PLB1: variants seen among roughly 807,000 people sequenced by gnomAD.
The protein encoded by PLB1 is phospholipase B1, membrane-associated.
A neutral mutation model predicts 227.4 loss-of-function variants in PLB1; 242 were observed. The observed-to-expected ratio is 1.06, with a 90% CI of 0.96 to 1.18. PLB1 has a LOEUF of 1.18. PLB1 is among the 50% of genes most tolerant of loss of function. The probability of loss-of-function intolerance (pLI) is 0.00; values close to 1 mark genes in which losing one functional copy is unlikely to be tolerated. For synonymous variants in PLB1, 757 were observed against 682.2 expected (o/e 1.11, Z -1.71); for missense variants, 1,858 against 1,816.3 (o/e 1.02, Z -0.42).
intron 49 of PLB1, 81 bp from the exon 50 acceptor site, chr2:28,624,976 C>T: frequency 7.5e-7 from 1 of 1,337,162 alleles, no homozygotes; most frequent in Non-Finnish European, 1.1e-6. Flanking sequence ...TGAAACACCT[C>T]TCTTCCTAGG....
At chr2:28,542,950 C>T (rs950418475) in intron 13 of PLB1, among the ~76,000 whole-genome samples, 1 of 152,222 alleles carries the variant, frequency 6.6e-6, no homozygotes, top group Non-Finnish European at 1.5e-5. Flanking sequence ...CCTCCTTCCA[C>T]TGTTTAGTTC....
chr2:28,599,136 C>T (rs1329191492), intron 35 of PLB1, among the ~76,000 whole-genome samples: 1 of 152,252 alleles, frequency 6.6e-6, no homozygotes, highest in African/African-American at 2.4e-5. Flanking sequence ...GAGGGCCAAC[C>T]AAATGGATGG....
chr2:28,563,080 C>A lies in PLB1; in HGVS notation c.1187C>A (p.Ala396Asp). 1.2e-6 allele frequency: 2 copies of A among 1,613,678 alleles called. No homozygotes were observed. Among genetic ancestry groups the A allele is most frequent in the Non-Finnish European group, 1.7e-6 (2 of 1,179,666 alleles). ...CCGGCTGACATCAACGTAATTGGAG[C>A]CCTGGGTGACTCTCTCACGGTAAGT... ...LKPADINVIG[A>D]LGDSLTAGNG... The change falls in exon 18 of 58, where the codon GCC becomes GAC. Residue 396 changes from alanine to aspartate, a missense_variant. Coordinates refer to ENST00000327757, the MANE Select transcript of PLB1 (RefSeq NM_153021.5).
intron 18 of PLB1, among the ~76,000 whole-genome samples, chr2:28,563,327 C>T (rs564968074): frequency 9.2e-5 from 14 of 152,204 alleles, no homozygotes; most frequent in African/African-American, 3.4e-4. Context: ...TCCCCCAATG[C>T]TGAGATGAAG....
intron 56 of PLB1, among the ~76,000 whole-genome samples, chr2:28,637,479 A>C (rs954987572): frequency 6.6e-6 from 1 of 152,130 alleles, no homozygotes; most frequent in African/African-American, 2.4e-5. Context: ...TGGTCCCCAC[A>C]GAGAAATCAA....
intron 25 of PLB1, 96 bp downstream of exon 25, chr2:28,582,601 G>A (rs1194039435): frequency 2.2e-6 from 2 of 927,814 alleles, no homozygotes; most frequent in African/African-American, 1.6e-5. Context: ...AAGGGCCGAA[G>A]TGTGAAAGGG....
intron 25 of PLB1, among the ~76,000 whole-genome samples, chr2:28,583,870 T>C (rs1181582576): frequency 6.6e-6 from 1 of 151,600 alleles, no homozygotes; most frequent in Non-Finnish European, 1.5e-5. Flanking sequence ...AAATCTGAAA[T>C]CTGAAATGCT....
At chr2:28,522,136 TCA>T (rs1669605907) in intron 4 of PLB1, among the ~76,000 whole-genome samples, 1 of 151,912 alleles carries the variant, frequency 6.6e-6, no homozygotes, top group Non-Finnish European at 1.5e-5. Context: ...AGTGTTAGCC[TCA>T]CCACATTTAT....
chr2:28,569,401 G>A (rs1677615983), intron 20 of PLB1, among the ~76,000 whole-genome samples: 1 of 152,156 alleles, frequency 6.6e-6, no homozygotes, highest in Non-Finnish European at 1.5e-5. Flanking sequence ...TTGGAAAGAT[G>A]AAAAAGTGAA....
At chr2:28,522,254 G>A (rs1351325283) in intron 4 of PLB1, among the ~76,000 whole-genome samples, 1 of 151,920 alleles carries the variant, frequency 6.6e-6, no homozygotes, top group Non-Finnish European at 1.5e-5. Flanking sequence ...AGAAGGGTGA[G>A]GAGATGGTGG....
In PLB1 at chr2:28,627,057, C is replaced by T. The variant is rs184146337; in HGVS notation, c.3660+549C>T. On this transcript the variant is annotated intron_variant, in intron 51 of 57. Coordinates refer to ENST00000327757, the MANE Select transcript of PLB1 (RefSeq NM_153021.5). ...AATACATCTTGTTCTAAGTTGGGGA[C>T]ATTCTGTATTTTATTTGGCCGGGAA... 1.9e-3 allele frequency among the ~76,000 whole-genome samples: 286 copies of T among 152,196 alleles called. 1 individual carries two copies. Among genetic ancestry groups the T allele is most frequent in the Admixed American group, 1.7e-3 (26 of 15,286 alleles).
intron 2 of PLB1, among the ~76,000 whole-genome samples, chr2:28,517,526 A>G (rs1255511667): frequency 6.6e-6 from 1 of 152,240 alleles, no homozygotes; most frequent in African/African-American, 2.4e-5. Flanking sequence ...TGGTAGGGAC[A>G]TGAGAGTCTC....
chr2:28,575,972 G>A (rs1419235775), intron 21 of PLB1, among the ~76,000 whole-genome samples: 2 of 152,170 alleles, frequency 1.3e-5, no homozygotes, highest in Non-Finnish European at 2.9e-5. Context: ...AAGCATATGT[G>A]GGCTGGTAGT....
At chr2:28,535,513 A>G (rs1671568981) in intron 9 of PLB1, among the ~76,000 whole-genome samples, 1 of 152,184 alleles carries the variant, frequency 6.6e-6, no homozygotes, top group African/African-American at 2.4e-5. Context: ...TCCCCGTTTA[A>G]GCTAATCCTG....
chr2:28,542,765 C>T (rs376755343), intron 13 of PLB1, among the ~76,000 whole-genome samples: 165 of 152,306 alleles, frequency 1.1e-3, no homozygotes, highest in African/African-American at 3.4e-3. Flanking sequence ...GCCTCAGTCC[C>T]GTGTCTGGGA....
intron 2 of PLB1, 83 bp downstream of exon 2, chr2:28,516,952 G>T: frequency 7.2e-7 from 1 of 1,393,564 alleles, no homozygotes; most frequent in South Asian, 1.2e-5. Context: ...CCCAAGTTTT[G>T]GTGCAAGTTG....
chr2:28,576,307 A>G (rs557378720), intron 21 of PLB1, among the ~76,000 whole-genome samples: 3 of 152,208 alleles, frequency 2.0e-5, no homozygotes, highest in Non-Finnish European at 4.4e-5. Context: ...AGGTCTGACA[A>G]TAGCTGTCAT....
At chr2:28,582,218 G>T in intron 24 of PLB1, 85 bp downstream of exon 24, 1 of 1,462,044 alleles carries the variant, frequency 6.8e-7, no homozygotes. Context: ...AGACCTCCTT[G>T]GCAGGTCACC....
intron 1 of PLB1, among the ~76,000 whole-genome samples, chr2:28,498,453 G>C (rs1666732650): frequency 6.6e-6 from 1 of 152,264 alleles, no homozygotes; most frequent in South Asian, 2.1e-4. Context: ...TAGAGAAGGA[G>C]TTTCACCATG....
Sources: gnomAD v4.1 joint callset for allele counts (sites outside exome capture counted in the v4.1 genomes callset) on GRCh38, gnomAD v4.1.1 for gene constraint, MANE v1.5 for transcripts, NCBI Gene and HGNC (gene_info 2026-07-23, HGNC 2026-07-21) for gene names.